Variants in SF3A2 observed in about 807,000 individuals in gnomAD.
The protein encoded by SF3A2 is SAP 62.
In SF3A2, 5 loss-of-function variants were observed where a neutral mutation model predicts 31.1. The observed-to-expected ratio is 0.16, with a 90% confidence interval of 0.08 to 0.34. The LOEUF (loss-of-function observed/expected upper bound fraction) is 0.34. Among genes scored for constraint, SF3A2 ranks in the 10% least tolerant of loss-of-function variants. The probability of loss-of-function intolerance (pLI) is 1.00; values close to 1 mark genes in which losing one functional copy is unlikely to be tolerated. For missense variants in SF3A2, 577 were observed against 643.9 expected (o/e 0.90, Z 1.13); for synonymous variants, 365 against 263.7 (o/e 1.38, Z -3.72).
chr19:2,241,149 T>C (rs1221139838), intron 1 of SF3A2, among the ~76,000 whole-genome samples: 3 of 152,194 alleles, frequency 2.0e-5, no homozygotes, highest in Non-Finnish European at 4.4e-5. Flanking sequence ...GTTGAATTCC[T>C]TCATGACGAA....
Position 2,245,273 on chromosome 19 carries a change from G to A in SF3A2, c.246-173G>A, listed in dbSNP as rs1463853956. On this transcript the variant is annotated intron_variant, in intron 4 of 8. Coordinates refer to ENST00000221494, the MANE Select transcript of SF3A2 (RefSeq NM_007165.5). The surrounding 1 kb of genome is among the most constrained non-coding windows in gnomAD (Gnocchi z 4.2). Reference sequence around the variant, plus strand: ...GAGGAGCATGACAGGAAGAGAACATGCCTGTCCTATCCCTGTCCTCAGCCA... The same window carrying A: ...GAGGAGCATGACAGGAAGAGAACATACCTGTCCTATCCCTGTCCTCAGCCA... 3.4e-6 allele frequency: 2 copies of A among 592,490 alleles called. No individual in the cohort carries two copies. Among genetic ancestry groups the A allele is most frequent in the Non-Finnish European group, 6.0e-6 (2 of 332,434 alleles). The allele number at this position is 592,490 out of a possible 1,614,324, so 36.7% of individuals were successfully genotyped here.
chr19:2,245,766 GC>G lies in SF3A2; in HGVS notation c.355+214del. On this transcript the variant is annotated intron_variant, in intron 5 of 8. Transcript: ENST00000221494. The surrounding 1 kb of genome is among the most constrained non-coding windows in gnomAD (Gnocchi z 4.2). ...CGATAAGCACCCATCTCACCCAGCA[GC>G]CCATTTCCCAGCTGAGCCACAGTCT... 1 of 583,712 alleles carries G rather than the reference GC, an allele frequency of 1.7e-6. No individual in the cohort carries two copies. Among genetic ancestry groups the G allele is most frequent in the East Asian group, 2.9e-5 (1 of 35,008 alleles). The allele number at this position is 583,712 out of a possible 1,614,324, so 36.2% of individuals were successfully genotyped here. A position where few individuals can be genotyped will look rare whatever the true frequency, so the allele number is the denominator to read the frequency against.
chr19:2,237,532 G>C (rs771034983), intron 1 of SF3A2: 3 of 151,836 alleles, frequency 2.0e-5, no homozygotes, highest in Non-Finnish European at 4.4e-5. Context: ...GCAGTGAGTT[G>C]TGATTGTGCC....
In SF3A2 at chr19:2,239,140, G is replaced by A. The variant is rs1420790262; in HGVS notation, c.-38+2239G>A. Among the ~76,000 whole-genome samples, 8 of 152,270 alleles carry A rather than the reference G, an allele frequency of 5.3e-5. No individual in the cohort carries two copies. In the East Asian group the frequency reaches 5.8e-4, roughly 11 times the overall value. ...AGCACTTTGGGAGGCTGAGGCGGGC[G>A]GATGACCTGAGTTTGGGAGTTTGAG... is the stretch of plus-strand genomic sequence containing the variant. On this transcript the variant is annotated intron_variant, in intron 1 of 8. Coordinates refer to ENST00000221494, the MANE Select transcript of SF3A2 (RefSeq NM_007165.5).
chr19:2,248,548 A>T lies in SF3A2; in HGVS notation c.*2A>T. On this transcript the variant is annotated 3_prime_UTR_variant, in exon 9 of 9. Coordinates refer to ENST00000221494, the MANE Select transcript of SF3A2 (RefSeq NM_007165.5). ...CCTCCCCCTCCCCCAACCAACTGAG[A>T]AGCTGCTCCCTCCCCCAGCAAGCCC... The T allele has an allele frequency of 1.0e-6, 1 of 1,003,012 alleles. No homozygotes were observed. Among genetic ancestry groups the T allele is most frequent in the Non-Finnish European group, 1.3e-6 (1 of 753,142 alleles). 62.1% of individuals were successfully genotyped at this position (1,003,012 alleles called of 1,614,324 possible).
At chr19:2,247,745 G>A (rs1326166221) in intron 8 of SF3A2, 22 bp from the exon 9 acceptor site, 5 of 1,611,802 alleles carry the variant, frequency 3.1e-6, no homozygotes, top group Non-Finnish European at 4.2e-6. Context: ...CGTGCCTGCT[G>A]AACCTTTCTC....
In SF3A2 at chr19:2,237,408, GCAA is replaced by G. The variant is rs1356288148; in HGVS notation, c.-38+508_-38+510del. The G allele has an allele frequency of 2.4e-4, 9 of 37,138 alleles. No homozygotes were observed. In the East Asian group the frequency reaches 5.3e-3, roughly 22 times the overall value. 2.3% of individuals were successfully genotyped at this position (37,138 alleles called of 1,614,324 possible). A position where few individuals can be genotyped will look rare whatever the true frequency, so the allele number is the denominator to read the frequency against. On this transcript the variant is annotated intron_variant, in intron 1 of 8. Coordinates refer to ENST00000221494, the MANE Select transcript of SF3A2 (RefSeq NM_007165.5). ...GGCAACATAGCGAGACCCCATCACT[GCAA>G]AAAAAAAAAAAAAAAAAATTAGCCG... is the stretch of plus-strand genomic sequence containing the variant.
chr19:2,247,267 A>G, intron 7 of SF3A2: 1 of 538,460 alleles, frequency 1.9e-6, no homozygotes, highest in South Asian at 2.5e-5. Flanking sequence ...CAGGCCTGTG[A>G]GGCCTTTGCC....
rs541379823 is a variant in SF3A2 at position 2,246,363 on chromosome 19, G to T, written c.356-390G>T. 1.3e-5 allele frequency among the ~76,000 whole-genome samples: 2 copies of T among 152,200 alleles called. No individual in the cohort carries two copies. The highest frequency in any genetic ancestry group is 3.9e-4 in the East Asian group (2 of 5,176). On this transcript the variant is annotated intron_variant, in intron 5 of 8. Transcript: ENST00000221494. The surrounding 1 kb of genome is among the most constrained non-coding windows in gnomAD (Gnocchi z 5.5). ...TCTGGCGGGAAGGGCATCCTCTCTC[G>T]CTCACCGTATACATGGTGTCAGCCC...
rs1311781522 is a variant in SF3A2 at position 2,247,809 on chromosome 19, C to G, written c.658C>G (p.Pro220Ala). The G allele has an allele frequency of 1.9e-6, 3 of 1,609,236 alleles. No individual in the cohort carries two copies. The African/African-American group carries it at 4.0e-5, about 22-fold the overall frequency. The change falls in exon 9 of 9, where the codon CCA becomes GCA. Residue 220 changes from proline (P) to alanine (A), a missense_variant. Transcript: ENST00000221494. ...CTTTAAGATGGAGAAGCCCCCGGCT[C>G]CACCCAGCCTCCCTGCTGGCCCCCC... ...FHFKMEKPPAPPSLPAGPPGV... is the reference protein window; with the variant it reads ...FHFKMEKPPAAPSLPAGPPGV...
In SF3A2 at chr19:2,244,650, C is replaced by G. The variant is rs199646287; in HGVS notation, c.198+35C>G. 7.0e-5 allele frequency: 112 copies of G among 1,611,006 alleles called. 2 individuals are homozygous for G. In the African/African-American group the frequency reaches 1.4e-3, roughly 20 times the overall value. ...CTGCCTGGCTCCGGGCGGCTCGCGG[C>G]GGGCTGAGTGGCTGACGTCAGGGGG... On this transcript the variant is annotated intron_variant, in intron 3 of 8. Coordinates refer to ENST00000221494, the MANE Select transcript of SF3A2 (RefSeq NM_007165.5).
chr19:2,244,886 T>A, intron 4 of SF3A2, 107 bp downstream of exon 4: 1 of 1,055,820 alleles, frequency 9.5e-7, no homozygotes, highest in Non-Finnish European at 1.4e-6. Context: ...CAGCCTGGCC[T>A]GAGCCTCCCT....
rs770571791 is a variant in SF3A2, at chr19:2,247,816, G to C, written c.665G>C (p.Ser222Thr). 1.1e-5 allele frequency: 18 copies of C among 1,606,930 alleles called. 1 individual carries two copies. Among genetic ancestry groups the C allele is most frequent in the Non-Finnish European group, 1.5e-5 (18 of 1,177,894 alleles). ...FKMEKPPAPPSLPAGPPGVKR... is the reference protein window; with the variant it reads ...FKMEKPPAPPTLPAGPPGVKR... The stretch of plus-strand genomic sequence containing the variant: ...ATGGAGAAGCCCCCGGCTCCACCCA[G>C]CCTCCCTGCTGGCCCCCCTGGGGTG... Residue 222 changes from serine (S) to threonine (T), a missense_variant, in exon 9 of 9, where the codon AGC becomes ACC. Physicochemically the swap from Ser to Thr is moderately conservative, Grantham distance 58 (BLOSUM62 1). Coordinates refer to ENST00000221494, the MANE Select transcript of SF3A2 (RefSeq NM_007165.5).
In SF3A2 at chr19:2,248,017, C is replaced by A; in HGVS notation, c.866C>A (p.Pro289His). The part of the protein sequence containing the change: ...QLPPPAPGVH[P>H]PAPVVHPPAS... ...CCCCCGCCAGCTCCAGGGGTCCACC[C>A]CCCGGCCCCAGTGGTGCATCCCCCT... is the stretch of plus-strand genomic sequence containing the variant. Residue 289 changes from proline to histidine, a missense_variant, in exon 9 of 9, where the codon CCC becomes CAC. Physicochemically the swap from Pro to His is moderately conservative, Grantham distance 77. This residue lies in a region of SF3A2 where 462 missense variants were observed against 339.1 expected (regional missense o/e 1.36). Coordinates refer to ENST00000221494, the MANE Select transcript of SF3A2 (RefSeq NM_007165.5). The A allele has an allele frequency of 2.1e-6, 2 of 963,040 alleles. No homozygotes were observed. Among genetic ancestry groups the A allele is most frequent in the Non-Finnish European group, 3.2e-6 (2 of 625,720 alleles). 59.7% of individuals were successfully genotyped at this position (963,040 alleles called of 1,614,324 possible).
intron 2 of SF3A2, among the ~76,000 whole-genome samples, chr19:2,244,122 T>G (rs1461327775): frequency 6.6e-6 from 1 of 152,080 alleles, no homozygotes; most frequent in Admixed American, 6.5e-5. Flanking sequence ...GATGGGCGGG[T>G]CTTTGGGTCT....
At position 2,239,356 on chromosome 19, in the gene SF3A2, C is replaced by CA. The variant is rs60571903; in HGVS notation, c.-38+2474dup. ...TGGGCGACAGAGCGAGAATCCGTCT[C>CA]AAAAAAAAAAAAAAAAAAAGAGAGA... On this transcript the variant is annotated intron_variant, in intron 1 of 8. Transcript: ENST00000221494. 2.2e-3 allele frequency among the ~76,000 whole-genome samples: 220 copies of CA among 99,916 alleles called. 2 individuals carry two copies. Among genetic ancestry groups the CA allele is most frequent in the African/African-American group, 5.5e-3 (147 of 26,956 alleles). 65.5% of individuals were successfully genotyped at this position (99,916 alleles called of 152,430 possible). A position where few individuals can be genotyped will look rare whatever the true frequency, so the allele number is the denominator to read the frequency against.
chr19:2,238,148 C>T (rs539703061), intron 1 of SF3A2, among the ~76,000 whole-genome samples: 13 of 152,280 alleles, frequency 8.5e-5, no homozygotes, highest in Admixed American at 3.3e-4. Context: ...CTCAACCTCT[C>T]GAGTAGCTGG....
chr19:2,238,432 A>G (rs1234691196), intron 1 of SF3A2, among the ~76,000 whole-genome samples: 1 of 152,170 alleles, frequency 6.6e-6, no homozygotes, highest in Non-Finnish European at 1.5e-5. Flanking sequence ...ATTTGTAGAC[A>G]TCATCTGCTG....
intron 1 of SF3A2, chr19:2,237,361 C>G (rs1402458381): frequency 1.3e-5 from 2 of 150,030 alleles, no homozygotes; most frequent in East Asian, 3.9e-4. Context: ...GAGCCATGAT[C>G]CCACCACTGC....
Sources: gnomAD v4.1 joint callset for allele counts (sites outside exome capture counted in the v4.1 genomes callset) on GRCh38, gnomAD v4.1.1 for gene constraint, gnomAD v4.1.1 regional missense constraint, Gnocchi (gnomAD v3.1) non-coding constraint, MANE v1.5 for transcripts, NCBI Gene and HGNC (gene_info 2026-07-23, HGNC 2026-07-21) for gene names.